The following ACO2 variants were observed in gnomAD, a reference collection of about 807,000 sequenced individuals.
The protein encoded by ACO2 is aconitase 2, also known as aconitate hydratase, mitochondrial.
A neutral mutation model predicts 84.5 loss-of-function variants in ACO2; 31 were observed. The ratio of observed to expected loss-of-function variants is 0.37; its 90% CI spans 0.28 to 0.50. The LOEUF (loss-of-function observed/expected upper bound fraction) is 0.50, where lower values mean the gene tolerates loss of function less well. Among genes scored for constraint, ACO2 ranks in the 20% least tolerant of loss-of-function variants. The pLI, the probability that ACO2 is intolerant of heterozygous loss-of-function variation, is 0.97. For missense variants in ACO2, 685 were observed against 1,029.3 expected, an observed-to-expected ratio of 0.67 and a Z score of 4.58; for synonymous variants, 414 against 412.7, an observed-to-expected ratio of 1.00 and a Z score of -0.04.
At chr22:41,526,592 A>G in intron 15 of ACO2, 139 bp downstream of exon 15, 2 of 911,442 alleles carry the variant, frequency 2.2e-6, no homozygotes, top group Non-Finnish European at 3.2e-6. Context: ...GGAAGGGAGG[A>G]GAGGCCTGCA....
rs886579051 is a variant in ACO2, at chr22:41,472,081, G to T, written c.36+2899G>T. ...TTGCTAAATAAATTTGTGGCAGGGTGCAGTGTCTCACGCCTGTAATCCCAG... is the reference window on the plus strand; with the variant it reads ...TTGCTAAATAAATTTGTGGCAGGGTTCAGTGTCTCACGCCTGTAATCCCAG... On this transcript the variant is annotated intron_variant, in intron 1 of 17. Coordinates refer to ENST00000216254, the MANE Select transcript of ACO2 (RefSeq NM_001098.3). 2.6e-5 allele frequency among the ~76,000 whole-genome samples: 4 copies of T among 152,298 alleles called. No homozygotes were observed. The East Asian group carries it at 5.8e-4, about 22-fold the overall frequency.
chr22:41,520,843 GAA>G (rs148408618), intron 9 of ACO2, among the ~76,000 whole-genome samples: 2 of 127,964 alleles, frequency 1.6e-5, no homozygotes, highest in Non-Finnish European at 1.7e-5. Flanking sequence ...CTCCGTCTCA[GAA>G]AAAAAAAAAA....
At chr22:41,521,840 T>G (rs1223792887) in intron 9 of ACO2, among the ~76,000 whole-genome samples, 1 of 151,158 alleles carries the variant, frequency 6.6e-6, no homozygotes, top group Non-Finnish European at 1.5e-5. Flanking sequence ...AGTGGCACAA[T>G]CTCGGCTCAC....
At chr22:41,474,736 C>G (rs2037990882) in intron 1 of ACO2, among the ~76,000 whole-genome samples, 1 of 150,960 alleles carries the variant, frequency 6.6e-6, no homozygotes, top group South Asian at 2.1e-4. Context: ...GTAGCTGGAA[C>G]TACAGGCGCC....
chr22:41,481,005 T>C (rs2038080887), intron 1 of ACO2, among the ~76,000 whole-genome samples: 1 of 152,070 alleles, frequency 6.6e-6, no homozygotes, highest in Non-Finnish European at 1.5e-5. Flanking sequence ...GGGTCTCGCT[T>C]TGTTGCCTAA....
rs182831256 is a variant in ACO2, at chr22:41,512,160, G to A, written c.525+192G>A. On this transcript the variant is annotated intron_variant, in intron 4 of 17. Transcript: ENST00000216254. ...GTCATTATACGTGCTCATTTTCTGG[G>A]TGAGAAGTTAAAATAATACCTCCTA... The A allele has an allele frequency of 9.5e-5, 48 of 506,074 alleles. No homozygotes were observed. In the East Asian group the frequency reaches 1.7e-3, roughly 18 times the overall value. 31.3% of individuals were successfully genotyped at this position (506,074 alleles called of 1,614,324 possible). A position where few individuals can be genotyped will look rare whatever the true frequency, so the allele number is the denominator to read the frequency against.
intron 2 of ACO2, among the ~76,000 whole-genome samples, chr22:41,503,578 C>T (rs1364873296): frequency 1.3e-5 from 2 of 152,154 alleles, no homozygotes; most frequent in Non-Finnish European, 2.9e-5. Flanking sequence ...ATCCACCCGC[C>T]TCAGTCTCCC....
chr22:41,526,018 C>T (rs1325095655), intron 14 of ACO2: 3 of 449,364 alleles, frequency 6.7e-6, no homozygotes, highest in Non-Finnish European at 1.2e-5. Context: ...TTTGGGCGGC[C>T]TCTGCCCCAT....
intron 1 of ACO2, among the ~76,000 whole-genome samples, chr22:41,483,042 A>G (rs913092403): frequency 2.0e-5 from 3 of 151,854 alleles, no homozygotes; most frequent in Non-Finnish European, 4.4e-5. Context: ...ATGAGGGGAG[A>G]TTTTCTGCCT....
rs926246283 is a variant in ACO2 at position 41,504,711 on chromosome 22, C to CTTTTTTTTTTTTTTTTTTTTTTTTTTTTT, written c.174-3078_174-3050dup. On this transcript the variant is annotated intron_variant, in intron 2 of 17. Coordinates refer to ENST00000216254, the MANE Select transcript of ACO2 (RefSeq NM_001098.3). ...GCCAGCAGATCCAGCACCTTAGGGA[C>CTTTTTTTTTTTTTTTTTTTTTTTTTTTTT]TTTTTTTTTTTTTTTTTTTTTTTTT... 4.1e-5 allele frequency among the ~76,000 whole-genome samples: 2 copies of CTTTTTTTTTTTTTTTTTTTTTTTTTTTTT among 48,604 alleles called. 1 individual carries two copies. Among genetic ancestry groups the CTTTTTTTTTTTTTTTTTTTTTTTTTTTTT allele is most frequent in the African/African-American group, 1.5e-4 (2 of 12,910 alleles). 31.9% of individuals were successfully genotyped at this position (48,604 alleles called of 152,430 possible).
intron 1 of ACO2, among the ~76,000 whole-genome samples, chr22:41,471,512 C>T (rs983471156): frequency 6.6e-6 from 1 of 152,192 alleles, no homozygotes; most frequent in Non-Finnish European, 1.5e-5. Context: ...ACCTCATTCA[C>T]CATATATTTA....
At chr22:41,503,121 AC>A (rs774988388) in intron 2 of ACO2, among the ~76,000 whole-genome samples, 2 of 152,226 alleles carry the variant, frequency 1.3e-5, no homozygotes, top group South Asian at 2.1e-4. Context: ...ATTAATAACA[AC>A]AACAAAATAC....
Position 41,518,591 on chromosome 22 carries a change from G to T in ACO2, c.1032+19G>T, listed in dbSNP as rs1284791467. 3 of 1,590,308 alleles carry T rather than the reference G, an allele frequency of 1.9e-6. No individual in the cohort carries two copies. The highest frequency in any genetic ancestry group is 2.6e-6 in the Non-Finnish European group (3 of 1,159,008). ...CAGTGAGGTGAGGAGACAATTAACTGGGTTCAAGAAGTTTCTGAGAGTAGT... is the reference window on the plus strand; with the variant it reads ...CAGTGAGGTGAGGAGACAATTAACTTGGTTCAAGAAGTTTCTGAGAGTAGT... On this transcript the variant is annotated intron_variant, in intron 8 of 17. Transcript: ENST00000216254.
chr22:41,511,122 C>T (rs1601912562), intron 3 of ACO2, among the ~76,000 whole-genome samples: 2 of 152,042 alleles, frequency 1.3e-5, no homozygotes, highest in Admixed American at 1.3e-4. Context: ...CTTCCTGCCT[C>T]GGCCTGCAAG....
At position 41,523,814 on chromosome 22, in the gene ACO2, C is replaced by G; in HGVS notation, c.1371-16C>G. 6.2e-7 allele frequency: 1 copy of G among 1,605,174 alleles called. No individual in the cohort carries two copies. The highest frequency in any genetic ancestry group is 8.5e-7 in the Non-Finnish European group (1 of 1,173,766). On this transcript the variant is annotated splice_polypyrimidine_tract_variant and intron_variant, in intron 11 of 17. Coordinates refer to ENST00000216254, the MANE Select transcript of ACO2 (RefSeq NM_001098.3). ...AAGGCCAGATATCCCTAACCCTGATCCCTCTGACCTGGCAGGAAGGACATC... is the reference window on the plus strand; with the variant it reads ...AAGGCCAGATATCCCTAACCCTGATGCCTCTGACCTGGCAGGAAGGACATC...
At chr22:41,516,512 C>T (rs1417675584) in intron 6 of ACO2, among the ~76,000 whole-genome samples, 1 of 152,180 alleles carries the variant, frequency 6.6e-6, no homozygotes, top group Non-Finnish European at 1.5e-5. Context: ...TGCCTGGGCT[C>T]CCTGGCAGCC....
chr22:41,521,191 T>C (rs562601297), intron 9 of ACO2: 1 of 152,364 alleles, frequency 6.6e-6, no homozygotes, highest in Admixed American at 6.5e-5. Context: ...CTTAGAGCTC[T>C]TGGAGAGGTG....
At position 41,523,939 on chromosome 22, in the gene ACO2, G is replaced by A. The variant is rs1238200689; in HGVS notation, c.1480G>A (p.Glu494Lys). 6.2e-7 allele frequency: 1 copy of A among 1,613,146 alleles called. No individual in the cohort carries two copies. Among genetic ancestry groups the A allele is most frequent in the Non-Finnish European group, 8.5e-7 (1 of 1,179,848 alleles). The change falls in exon 12 of 18, where the codon GAG (glutamate) becomes AAG (lysine). Residue 494 changes from glutamate to lysine, a missense_variant and splice_region_variant. Glu to Lys is a moderately conservative substitution (Grantham distance 56). Around this residue, in one of 5 missense-constraint regions of ACO2, gnomAD observed 311 missense variants for 441.6 expected, o/e 0.70. Transcript: ENST00000216254. ...PETHAFVTSP[E>K]IVTALAIAGT... ...GACCCATGCCTTTGTCACGTCCCCA[G>A]AGGTGAGACTGCCCAGCTGCGCACA...
At chr22:41,511,851 C>T in intron 3 of ACO2, 25 bp from the exon 4 acceptor site, 2 of 1,568,754 alleles carry the variant, frequency 1.3e-6, no homozygotes, top group Non-Finnish European at 1.7e-6. Flanking sequence ...GTTGCTAACG[C>T]CCAATTATTG....
Sources: gnomAD v4.1 joint callset for allele counts (sites outside exome capture counted in the v4.1 genomes callset) on GRCh38, gnomAD v4.1.1 for gene constraint, gnomAD v4.1.1 regional missense constraint, MANE v1.5 for transcripts, NCBI Gene and HGNC (gene_info 2026-07-23, HGNC 2026-07-21) for gene names.